The following ZNF804B variants were observed in gnomAD, a reference collection of about 807,000 sequenced individuals.
ZNF804B encodes zinc finger protein 804B.
ZNF804B carries 80 observed loss-of-function variants against 101.4 expected under a neutral mutation model. The observed-to-expected ratio is 0.79, with a 90% CI of 0.66 to 0.95. The LOEUF is 0.95. ZNF804B is among the 40% of genes least tolerant of loss of function. The pLI is 0.00. For missense variants in ZNF804B, 1,673 were observed against 1,561.9 expected (o/e 1.07, Z -1.20); for synonymous variants, 622 against 558.8 (o/e 1.11, Z -1.59).
intron 1 of ZNF804B, among the ~76,000 whole-genome samples, chr7:88,895,641 GGGTATAC>G (rs914407555): frequency 1.3e-5 from 2 of 152,120 alleles, no homozygotes; most frequent in African/African-American, 4.8e-5. Flanking sequence ...GACTAGGACA[GGGTATAC>G]ACAAGATGAG....
chr7:88,957,118 T>G (rs1793321686), intron 1 of ZNF804B, among the ~76,000 whole-genome samples: 1 of 151,518 alleles, frequency 6.6e-6, no homozygotes, highest in South Asian at 2.1e-4. Flanking sequence ...TCAGCATTAA[T>G]ATTTTCTGTT....
intron 1 of ZNF804B, among the ~76,000 whole-genome samples, chr7:88,953,029 C>T (rs931132813): frequency 2.6e-5 from 4 of 151,694 alleles, no homozygotes; most frequent in Non-Finnish European, 5.9e-5. Context: ...TGTTTCCTAC[C>T]GCTGTAGACC....
intron 1 of ZNF804B, among the ~76,000 whole-genome samples, chr7:89,050,017 A>G (rs1789170592): frequency 6.6e-6 from 1 of 152,170 alleles, no homozygotes; most frequent in Non-Finnish European, 1.5e-5. Context: ...GTCTCAAAAC[A>G]AAAACGAAAA....
intron 2 of ZNF804B, among the ~76,000 whole-genome samples, chr7:89,290,184 C>A (rs1397035531): frequency 2.0e-5 from 3 of 152,106 alleles, no homozygotes; most frequent in Admixed American, 6.6e-5. Context: ...AACTAAAGAG[C>A]ACATGGGCAC....
chr7:88,846,932 GTA>G (rs934829158), intron 1 of ZNF804B, among the ~76,000 whole-genome samples: 1 of 117,256 alleles, frequency 8.5e-6, no homozygotes, highest in Non-Finnish European at 1.6e-5. Flanking sequence ...ATATAAATGT[GTA>G]TACACACACA....
At chr7:89,201,037 C>G (rs1428052307) in intron 1 of ZNF804B, among the ~76,000 whole-genome samples, 1 of 152,010 alleles carries the variant, frequency 6.6e-6, no homozygotes, top group African/African-American at 2.4e-5. Context: ...TTTGCTGACA[C>G]TCTTAGGGAA....
chr7:89,220,060 T>C (rs1405072029), intron 2 of ZNF804B, among the ~76,000 whole-genome samples: 1 of 130,282 alleles, frequency 7.7e-6, no homozygotes, highest in Non-Finnish European at 1.6e-5. Context: ...TATACATATA[T>C]ACGCACATAT....
intron 1 of ZNF804B, among the ~76,000 whole-genome samples, chr7:88,769,456 T>G (rs896426968): frequency 6.6e-6 from 1 of 152,196 alleles, no homozygotes; most frequent in African/African-American, 2.4e-5. Flanking sequence ...TATGTAGCAT[T>G]TCAGAACATC....
intron 1 of ZNF804B, among the ~76,000 whole-genome samples, chr7:88,927,312 A>G (rs17165497): frequency 0.023 from 3,525 of 152,282 alleles, 129 homozygotes; most frequent in African/African-American, 0.08. Context: ...ACATTTCTGA[A>G]AAAAACAGTC....
At chr7:89,057,579 G>A (rs1263603343) in intron 1 of ZNF804B, among the ~76,000 whole-genome samples, 41 of 152,104 alleles carry the variant, frequency 2.7e-4, no homozygotes, top group Non-Finnish European at 2.9e-5. Flanking sequence ...AGAAGTGTTA[G>A]TGGAATTTAC....
intron 1 of ZNF804B, among the ~76,000 whole-genome samples, chr7:88,968,430 T>A (rs1002710859): frequency 1.3e-5 from 2 of 151,608 alleles, no homozygotes; most frequent in African/African-American, 4.8e-5. Flanking sequence ...GCTTTCCAAA[T>A]AGCATTCTCA....
chr7:89,114,152 C>A (rs1283612548), intron 1 of ZNF804B, among the ~76,000 whole-genome samples: 1 of 152,130 alleles, frequency 6.6e-6, no homozygotes, highest in Non-Finnish European at 1.5e-5. Flanking sequence ...GGATACTAAT[C>A]ATTTGATTAT....
chr7:89,050,887 A>G (rs969388891), intron 1 of ZNF804B, among the ~76,000 whole-genome samples: 1 of 152,134 alleles, frequency 6.6e-6, no homozygotes, highest in Non-Finnish European at 1.5e-5. Flanking sequence ...TCATTTTCCA[A>G]GTTATAGCCA....
At chr7:88,805,750 T>A (rs1165039001) in intron 1 of ZNF804B, among the ~76,000 whole-genome samples, 1 of 152,150 alleles carries the variant, frequency 6.6e-6, no homozygotes, top group East Asian at 1.9e-4. Context: ...TAGGCACCTG[T>A]CCTCCATCAT....
At chr7:89,041,667 A>G (rs1400587622) in intron 1 of ZNF804B, among the ~76,000 whole-genome samples, 1 of 152,208 alleles carries the variant, frequency 6.6e-6, no homozygotes, top group East Asian at 1.9e-4. Flanking sequence ...TTGTGGTAAC[A>G]TCAGGTATTC....
intron 1 of ZNF804B, among the ~76,000 whole-genome samples, chr7:88,995,831 T>G (rs1271573929): frequency 6.6e-6 from 1 of 152,018 alleles, no homozygotes; most frequent in African/African-American, 2.4e-5. Flanking sequence ...TATGAGAATT[T>G]TTACCTCTGT....
chr7:88,813,423 TAAAA>T (rs11431380), intron 1 of ZNF804B, among the ~76,000 whole-genome samples: 1 of 135,698 alleles, frequency 7.4e-6, no homozygotes, highest in Non-Finnish European at 1.6e-5. Flanking sequence ...AGACTCCATC[TAAAA>T]AAAAAAAAAA....
At chr7:89,241,932 A>G (rs748971178) in intron 2 of ZNF804B, among the ~76,000 whole-genome samples, 3 of 145,484 alleles carry the variant, frequency 2.1e-5, no homozygotes, top group Non-Finnish European at 3.0e-5. Context: ...ATATGCTATG[A>G]TCTTTCACAC....
intron 1 of ZNF804B, among the ~76,000 whole-genome samples, chr7:88,928,957 C>A (rs1317235242): frequency 6.6e-6 from 1 of 151,826 alleles, no homozygotes; most frequent in Non-Finnish European, 1.5e-5. Context: ...CAATTGAGCC[C>A]TTGTCATTGT....
Sources: gnomAD v4.1 joint callset for allele counts (sites outside exome capture counted in the v4.1 genomes callset) on GRCh38, gnomAD v4.1.1 for gene constraint, MANE v1.5 for transcripts, NCBI Gene and HGNC (gene_info 2026-07-23, HGNC 2026-07-21) for gene names.